The following PODN variants were observed in gnomAD, a reference collection of about 807,000 sequenced individuals.
PODN encodes podocan proteoglycan.
Under a neutral mutation model 52.7 loss-of-function variants are expected in PODN, and 40 were observed. The observed-to-expected ratio is 0.76, with a 90% CI of 0.59 to 0.99. The LOEUF is 0.99. PODN is among the 50% of genes least tolerant of loss of function. PODN has a pLI of 0.00. For synonymous variants in PODN, 396 were observed against 377.9 expected (o/e 1.05, Z -0.56); for missense variants, 720 against 815.1 (o/e 0.88, Z 1.42).
chr1:53,078,911 A>G lies in PODN; in HGVS notation c.1401A>G (p.Ala467=), dbSNP rs776887635. 3.7e-6 allele frequency: 6 copies of G among 1,605,046 alleles called. No homozygotes were observed. Among genetic ancestry groups the G allele is most frequent in the Non-Finnish European group, 5.1e-6 (6 of 1,176,130 alleles). The change falls in exon 8 of 11, where the codon GCA becomes GCG. Residue 467 remains alanine (A), a synonymous_variant. Coordinates refer to ENST00000312553, the MANE Select transcript of PODN (RefSeq NM_153703.5). ...KVKRNELAAL[A]RGALVGMAQL... Reference sequence around the variant, plus strand: ...AGCGCAATGAGCTGGCTGCCTTGGCACGAGGGGCGCTGGTGGGCATGGCTC... The same window carrying G: ...AGCGCAATGAGCTGGCTGCCTTGGCGCGAGGGGCGCTGGTGGGCATGGCTC...
chr1:53,071,385 A>T (rs1644114492), intron 2 of PODN, 150 bp from the exon 3 acceptor site: 2 of 665,256 alleles, frequency 3.0e-6, no homozygotes, highest in East Asian at 5.6e-5. Context: ...CAGAGCTGGC[A>T]CCGGGGGTCT....
At position 53,078,646 on chromosome 1, in the gene PODN, C is replaced by T. The variant is rs752295875; in HGVS notation, c.1136C>T (p.Pro379Leu). ...NALERVPSGL[P>L]RRVRTLMILH... ...CTGGAGCGCGTGCCCAGTGGCCTGC[C>T]TCGCCGCGTGCGCACCCTCATGATC... The change falls in exon 8 of 11, where the codon CCT becomes CTT. Residue 379 changes from proline (P) to leucine (L), a missense_variant. Physicochemically the swap from Pro to Leu is moderately conservative, Grantham distance 98 (BLOSUM62 -3). Coordinates refer to ENST00000312553, the MANE Select transcript of PODN (RefSeq NM_153703.5). 1 of 1,613,090 alleles carries T rather than the reference C, an allele frequency of 6.2e-7. No homozygotes were observed. The highest frequency in any genetic ancestry group is 1.1e-5 in the South Asian group (1 of 91,076).
chr1:53,064,222 C>A (rs1644001311), intron 1 of PODN, among the ~76,000 whole-genome samples: 2 of 152,250 alleles, frequency 1.3e-5, no homozygotes, highest in South Asian at 4.1e-4. Flanking sequence ...AGCACCCCCA[C>A]TCCATGCTTG....
Position 53,078,603 on chromosome 1 carries a change from C to G in PODN, c.1093C>G (p.His365Asp). 6.2e-7 allele frequency: 1 copy of G among 1,613,050 alleles called. No homozygotes were observed. Among genetic ancestry groups the G allele is most frequent in the Non-Finnish European group, 8.5e-7 (1 of 1,180,012 alleles). The change falls in exon 8 of 11, where the codon CAC (histidine) becomes GAC (aspartate). Residue 365 changes from histidine (H) to aspartate (D), a missense_variant. His to Asp is a moderately conservative substitution (Grantham distance 81). Transcript: ENST00000312553. ...GGGCCTCAAGCGGTTGCACACGGTG[C>G]ACCTGTACAACAACGCGCTGGAGCG... ...FQGLKRLHTV[H>D]LYNNALERVP...
At chr1:53,078,244 A>T in intron 7 of PODN, 121 bp from the exon 8 acceptor site, 1 of 999,938 alleles carries the variant, frequency 1.0e-6, no homozygotes, top group Non-Finnish European at 1.5e-6. Context: ...GCCCACAGTC[A>T]GTGAGCAGCA....
chr1:53,071,687 A>G lies in PODN; in HGVS notation c.406+59A>G, dbSNP rs1262437005. The G allele has an allele frequency of 2.7e-6, 4 of 1,506,842 alleles. No individual in the cohort carries two copies. The African/African-American group carries it at 5.5e-5, about 21-fold the overall frequency. The allele number at this position is 1,506,842 out of a possible 1,614,324, so 93.3% of individuals were successfully genotyped here. A position where few individuals can be genotyped will look rare whatever the true frequency, so the allele number is the denominator to read the frequency against. The stretch of plus-strand genomic sequence containing the variant: ...ACCAAGTGGGGCCTTGGGGGCCTGA[A>G]CGATGCTGGGTGCCCAGGGGGAGAG... On this transcript the variant is annotated intron_variant, in intron 3 of 10. Coordinates refer to ENST00000312553, the MANE Select transcript of PODN (RefSeq NM_153703.5).
At position 53,065,129 on chromosome 1, in the gene PODN, C is replaced by T. The variant is rs139303065; in HGVS notation, c.-56+2821C>T. Among the ~76,000 whole-genome samples, 111 of 152,244 alleles carry T rather than the reference C, an allele frequency of 7.3e-4. 1 individual carries two copies. The East Asian group carries it at 0.021, about 28-fold the overall frequency. On this transcript the variant is annotated intron_variant, in intron 1 of 10. Coordinates refer to ENST00000312553, the MANE Select transcript of PODN (RefSeq NM_153703.5). ...CTGTAATCCCAGCACTTTGGGAGGC[C>T]GAGGCAGAAGGCCAGAAGTTCAAGA...
chr1:53,070,117 C>A lies in PODN; in HGVS notation c.262C>A (p.Arg88Ser), dbSNP rs745399423. Reference protein sequence around the residue: ...GVVDCGGIDLREFPGDLPEHT... With the variant: ...GVVDCGGIDLSEFPGDLPEHT... ...CGTGGACTGTGGCGGTATTGACCTG[C>A]GTGAGTTCCCGGGGGACCTGCCTGA... The change falls in exon 2 of 11, where the codon CGT becomes AGT. Residue 88 changes from arginine (R) to serine (S), a missense_variant. Physicochemically the swap from Arg to Ser is moderately radical, Grantham distance 110. Transcript: ENST00000312553. 1.9e-6 allele frequency: 3 copies of A among 1,612,130 alleles called. No individual in the cohort carries two copies. Among genetic ancestry groups the A allele is most frequent in the Non-Finnish European group, 2.5e-6 (3 of 1,179,972 alleles).
intron 3 of PODN, 83 bp from the exon 4 acceptor site, chr1:53,074,523 T>C (rs1308752173): frequency 1.6e-6 from 2 of 1,219,016 alleles, no homozygotes; most frequent in African/African-American, 4.9e-5. Flanking sequence ...GGCAGGCGGG[T>C]GGGGGAGGAG....
chr1:53,063,494 G>T (rs981241738), intron 1 of PODN: 1 of 985,540 alleles, frequency 1.0e-6, no homozygotes, highest in Non-Finnish European at 1.2e-6. Flanking sequence ...GGAAGGCAGC[G>T]GCGAGGCAGG....
chr1:53,072,381 C>T (rs1446561433), intron 3 of PODN, among the ~76,000 whole-genome samples: 1 of 152,192 alleles, frequency 6.6e-6, no homozygotes, highest in African/African-American at 2.4e-5. Context: ...GGTTTAAACA[C>T]ACACGTAGAT....
intron 1 of PODN, among the ~76,000 whole-genome samples, chr1:53,065,715 T>C (rs1029097604): frequency 2.6e-5 from 4 of 152,226 alleles, no homozygotes; most frequent in African/African-American, 7.2e-5. Flanking sequence ...TGTCTCTCCT[T>C]TGTGGCCTGG....
chr1:53,071,478 T>C (rs2150296648), intron 2 of PODN, 57 bp from the exon 3 acceptor site: 2 of 1,430,528 alleles, frequency 1.4e-6, no homozygotes, highest in Middle Eastern at 1.8e-4. Flanking sequence ...GGGAATGGAG[T>C]CCAGGGCACA....
chr1:53,071,493 A>G, intron 2 of PODN, 42 bp from the exon 3 acceptor site: 1 of 1,532,594 alleles, frequency 6.5e-7, no homozygotes, highest in Non-Finnish European at 9.0e-7. Context: ...GGCACACCCC[A>G]CTAGGCTGAT....
rs772639428 is a variant in PODN, at chr1:53,078,654, G to A, written c.1144G>A (p.Val382Met). The A allele has an allele frequency of 3.3e-5, 53 of 1,612,926 alleles. No homozygotes were observed. The highest frequency in any genetic ancestry group is 4.5e-5 in the East Asian group (2 of 44,894). The change falls in exon 8 of 11, where the codon GTG (valine) becomes ATG (methionine). Residue 382 changes from valine (V) to methionine (M), a missense_variant. Val to Met is a conservative substitution (Grantham distance 21). Transcript: ENST00000312553. ...CGTGCCCAGTGGCCTGCCTCGCCGC[G>A]TGCGCACCCTCATGATCCTGCACAA... ...ERVPSGLPRR[V>M]RTLMILHNQI...
At chr1:53,065,150 C>G (rs1308263619) in intron 1 of PODN, among the ~76,000 whole-genome samples, 1 of 152,166 alleles carries the variant, frequency 6.6e-6, no homozygotes, top group African/African-American at 2.4e-5. Flanking sequence ...GCCAGAAGTT[C>G]AAGAACAGCC....
At position 53,082,045 on chromosome 1, in the gene PODN, G is replaced by T; in HGVS notation, c.1726G>T (p.Val576Phe). ...SAFRRLKHLQ[V>F]LDIEGNLEFG... ...CTTCCGGAGGCTGAAGCACCTGCAG[G>T]TCTTGGACATTGAAGGCAACTTAGA... The change falls in exon 10 of 11, where the codon GTC becomes TTC. Residue 576 changes from valine to phenylalanine, a missense_variant. By Grantham distance (50) the Val-to-Phe change is conservative. Coordinates refer to ENST00000312553, the MANE Select transcript of PODN (RefSeq NM_153703.5). The T allele has an allele frequency of 6.2e-7, 1 of 1,613,902 alleles. No individual in the cohort carries two copies. Among genetic ancestry groups the T allele is most frequent in the Non-Finnish European group, 8.5e-7 (1 of 1,179,932 alleles).
chr1:53,075,140 C>G (rs1453780025), intron 4 of PODN, among the ~76,000 whole-genome samples: 2 of 152,232 alleles, frequency 1.3e-5, no homozygotes, highest in African/African-American at 4.8e-5. Context: ...TGGAGGTGAC[C>G]TGTGCCCTCC....
At chr1:53,073,709 T>G (rs1644153204) in intron 3 of PODN, 1 of 152,252 alleles carries the variant, frequency 6.6e-6, no homozygotes. Context: ...CACTCGGAAT[T>G]AACTACTATT....
Sources: allele counts gnomAD v4.1 joint callset (sites outside exome capture counted in the v4.1 genomes callset), GRCh38; gene constraint gnomAD v4.1.1; transcripts MANE v1.5; gene names NCBI Gene and HGNC (gene_info 2026-07-23, HGNC 2026-07-21).